The following RBFOX1 variants were observed in gnomAD, a reference collection of about 807,000 sequenced individuals.
The protein encoded by RBFOX1 is RNA binding fox-1 homolog 1, also known as RNA binding protein fox-1 homolog 1.
A neutral mutation model predicts 57.7 loss-of-function variants in RBFOX1; 8 were observed. The observed-to-expected ratio is 0.14, with a 90% CI of 0.08 to 0.25. The LOEUF is 0.25. Ranked by LOEUF, RBFOX1 falls within the 10% of genes least tolerant of loss-of-function variation. RBFOX1 has a pLI of 1.00. For synonymous variants in RBFOX1, 326 were observed against 222.4 expected, an observed-to-expected ratio of 1.47 and a Z score of -4.15; for missense variants, 611 against 548.5, an observed-to-expected ratio of 1.11 and a Z score of -1.14.
intron 4 of RBFOX1, among the ~76,000 whole-genome samples, chr16:7,091,308 C>G (rs1228771842): frequency 6.6e-6 from 1 of 151,396 alleles, no homozygotes; most frequent in Admixed American, 6.6e-5. Flanking sequence ...CATTTATTCA[C>G]TGAAAATAAC....
chr16:6,326,843 G>A (rs1191039843), intron 2 of RBFOX1, among the ~76,000 whole-genome samples: 9 of 152,160 alleles, frequency 5.9e-5, no homozygotes, highest in Admixed American at 5.9e-4. Flanking sequence ...GATGGCCCGA[G>A]AGCATAATCA....
At chr16:5,997,786 C>A (rs1477378246) in intron 4 of RBFOX1, among the ~76,000 whole-genome samples, 1 of 152,182 alleles carries the variant, frequency 6.6e-6, no homozygotes, top group African/African-American at 2.4e-5. Flanking sequence ...ATCATCAAAT[C>A]CAATAAATGA....
intron 3 of RBFOX1, among the ~76,000 whole-genome samples, chr16:5,725,556 C>T (rs199987812): frequency 6.6e-6 from 1 of 151,934 alleles, no homozygotes; most frequent in East Asian, 2.0e-4. Flanking sequence ...AGCCACTGCA[C>T]CCAGCTCATA....
chr16:6,877,401 A>G (rs2062042982), intron 3 of RBFOX1, among the ~76,000 whole-genome samples: 2 of 152,170 alleles, frequency 1.3e-5, no homozygotes, highest in Admixed American at 6.5e-5. Flanking sequence ...TCATTTTCCA[A>G]TATGGACTGC....
rs2096867617 is a variant in RBFOX1 at position 6,544,470 on chromosome 16, C to T, written c.-63-110133C>T. On this transcript the variant is annotated intron_variant, in intron 2 of 15. Coordinates refer to ENST00000550418, the MANE Select transcript of RBFOX1 (RefSeq NM_018723.4). ...GATGTTCTGGGAGGCACTGTAATTT[C>T]CTGTTTTGTAGGATCTCATAGGAAA... is the stretch of plus-strand genomic sequence containing the variant. Among the ~76,000 whole-genome samples the T allele has an allele frequency of 2.0e-5, 3 of 152,292 alleles. No individual in the cohort carries two copies. The South Asian group carries it at 6.2e-4, about 32-fold the overall frequency.
At chr16:5,854,890 T>A (rs2056986003) in intron 3 of RBFOX1, among the ~76,000 whole-genome samples, 1 of 152,208 alleles carries the variant, frequency 6.6e-6, no homozygotes, top group African/African-American at 2.4e-5. Context: ...CAACACTTGC[T>A]ATCTTTTGAC....
At chr16:5,555,869 A>G (rs1261716778) in intron 2 of RBFOX1, among the ~76,000 whole-genome samples, 2 of 151,940 alleles carry the variant, frequency 1.3e-5, no homozygotes, top group African/African-American at 4.8e-5. Flanking sequence ...TAAAAATACA[A>G]AATTAGCCGG....
chr16:7,490,145 C>G (rs992337763), intron 4 of RBFOX1, among the ~76,000 whole-genome samples: 2 of 152,158 alleles, frequency 1.3e-5, no homozygotes, highest in Non-Finnish European at 2.9e-5. Flanking sequence ...TTCCTTCAGT[C>G]TTCTGAGCCA....
chr16:5,390,044 G>A (rs2066361999), intron 1 of RBFOX1, among the ~76,000 whole-genome samples: 1 of 151,958 alleles, frequency 6.6e-6, no homozygotes, highest in Non-Finnish European at 1.5e-5. Flanking sequence ...TTTTTATTCT[G>A]TAGCTTAAAA....
At chr16:7,061,734 A>T (rs924407398) in intron 4 of RBFOX1, among the ~76,000 whole-genome samples, 22 of 152,142 alleles carry the variant, frequency 1.4e-4, no homozygotes, top group Middle Eastern at 3.2e-3. Context: ...CTCCAAGCAA[A>T]TCGCTAATAA....
intron 2 of RBFOX1, among the ~76,000 whole-genome samples, chr16:6,636,579 TTTAAG>T (rs76251955): frequency 6.1e-4 from 92 of 151,856 alleles, no homozygotes; most frequent in Non-Finnish European, 1.1e-3. Flanking sequence ...TTTTATTTGG[TTTAAG>T]TTATTTTGGA....
chr16:5,751,114 A>C (rs567733830), intron 3 of RBFOX1, among the ~76,000 whole-genome samples: 1 of 152,258 alleles, frequency 6.6e-6, no homozygotes, highest in African/African-American at 2.4e-5. Context: ...AAGTGCTGGG[A>C]TTACAGGCAT....
intron 4 of RBFOX1, among the ~76,000 whole-genome samples, chr16:5,929,170 G>A (rs1358454223): frequency 6.6e-6 from 1 of 152,124 alleles, no homozygotes; most frequent in Non-Finnish European, 1.5e-5. Context: ...GAAGCGGACA[G>A]GGAAGGGGCA....
chr16:6,650,565 C>A (rs537288355), intron 2 of RBFOX1, among the ~76,000 whole-genome samples: 1 of 152,084 alleles, frequency 6.6e-6, no homozygotes, highest in Non-Finnish European at 1.5e-5. Flanking sequence ...AGAGACAGTA[C>A]GAAAAACACC....
chr16:5,376,039 G>C (rs886820412), intron 1 of RBFOX1, among the ~76,000 whole-genome samples: 2 of 151,988 alleles, frequency 1.3e-5, no homozygotes, highest in African/African-American at 4.8e-5. Flanking sequence ...TTGGTGGTGG[G>C]TGCCTGTAGT....
intron 3 of RBFOX1, among the ~76,000 whole-genome samples, chr16:5,675,611 C>G (rs1246952858): frequency 6.6e-6 from 1 of 152,232 alleles, no homozygotes; most frequent in South Asian, 2.1e-4. Flanking sequence ...AGCCTCAACA[C>G]TGAGCCTTCT....
chr16:6,924,897 C>A (rs1418613467), intron 3 of RBFOX1, among the ~76,000 whole-genome samples: 1 of 132,330 alleles, frequency 7.6e-6, no homozygotes, highest in Non-Finnish European at 1.5e-5. Flanking sequence ...TCCATGTGTT[C>A]TCATTGTTCA....
At chr16:7,560,315 G>A (rs1235075121) in intron 5 of RBFOX1, among the ~76,000 whole-genome samples, 1 of 152,150 alleles carries the variant, frequency 6.6e-6, no homozygotes, top group East Asian at 1.9e-4. Context: ...GACGTGACAG[G>A]TGCCTGCAAG....
chr16:6,494,323 C>A (rs929991436), intron 2 of RBFOX1, among the ~76,000 whole-genome samples: 1 of 152,298 alleles, frequency 6.6e-6, no homozygotes, highest in Admixed American at 6.5e-5. Context: ...AGGTACTGAG[C>A]AGTTCCATCC....
Sources: gnomAD v4.1 joint callset for allele counts (sites outside exome capture counted in the v4.1 genomes callset) on GRCh38, gnomAD v4.1.1 for gene constraint, MANE v1.5 for transcripts, NCBI Gene and HGNC (gene_info 2026-07-23, HGNC 2026-07-21) for gene names.